The following ABCF3 variants were observed in gnomAD, a reference collection of about 807,000 sequenced individuals.
ABCF3 encodes ATP binding cassette subfamily F member 3.
Under a neutral mutation model 94.3 loss-of-function variants are expected in ABCF3, and 62 were observed. The ratio of observed to expected loss-of-function variants is 0.66; its 90% CI spans 0.54 to 0.81. ABCF3 has a LOEUF of 0.81. ABCF3 is among the 40% of genes least tolerant of loss of function. The pLI is 0.00. For synonymous variants in ABCF3, 355 were observed against 361.1 expected (o/e 0.98, Z 0.19); for missense variants, 843 against 925.3 (o/e 0.91, Z 1.15).
Position 184,188,180 on chromosome 3 carries a change from C to T in ABCF3, c.609C>T (p.Gly203=), listed in dbSNP as rs781220084. ...LAGADVNLAW[G]RRYGLVGRNG... is the part of the protein sequence containing the mutation. ...GAGCGGATGTGAACCTGGCATGGGGCCGCCGTTACGGGCTGGTGGGGCGGA... is the reference window on the plus strand; with the variant it reads ...GAGCGGATGTGAACCTGGCATGGGGTCGCCGTTACGGGCTGGTGGGGCGGA... The change falls in exon 7 of 21, where the codon GGC becomes GGT. Residue 203 remains glycine, a synonymous_variant. Coordinates refer to ENST00000429586, the MANE Select transcript of ABCF3 (RefSeq NM_018358.3). 2 of 1,614,024 alleles carry T rather than the reference C, an allele frequency of 1.2e-6. No individual in the cohort carries two copies. The highest frequency in any genetic ancestry group is 2.2e-5 in the East Asian group (1 of 44,882).
rs1162636873 is a variant in ABCF3, at chr3:184,193,706, A to G, written c.*8A>G. ...CGCGAAGGCTTCCTCTAGGGCCACC[A>G]GGCTGAGGACTCGCCCAGGACATGG... On this transcript the variant is annotated 3_prime_UTR_variant, in exon 21 of 21. Transcript: ENST00000429586. This position sits in a 1 kb window ranked among gnomAD's most constrained non-coding sequence, Gnocchi z 5.2. 6.3e-7 allele frequency: 1 copy of G among 1,598,994 alleles called. No individual in the cohort carries two copies. The highest frequency in any genetic ancestry group is 1.1e-5 in the South Asian group (1 of 89,104).
chr3:184,186,213 G>C lies in ABCF3; in HGVS notation c.6G>C (p.Ala2=). Residue 2 remains alanine (A), a synonymous_variant, in exon 1 of 21, where the codon GCG becomes GCC. Coordinates refer to ENST00000429586, the MANE Select transcript of ABCF3 (RefSeq NM_018358.3). Reference sequence around the variant, plus strand: ...GACGGGTTCCTGAGTGGAACATGGCGACTTGCGCCGAAATCCTGCGGAGCG... The same window carrying C: ...GACGGGTTCCTGAGTGGAACATGGCCACTTGCGCCGAAATCCTGCGGAGCG... The part of the protein sequence containing the change: M[A]TCAEILRSEF... 4 of 1,614,188 alleles carry C rather than the reference G, an allele frequency of 2.5e-6. No homozygotes were observed. Among genetic ancestry groups the C allele is most frequent in the Non-Finnish European group, 3.4e-6 (4 of 1,180,050 alleles).
intron 1 of ABCF3, 61 bp from the exon 2 acceptor site, chr3:184,186,446 T>C: frequency 6.3e-7 from 1 of 1,581,872 alleles, no homozygotes; most frequent in East Asian, 2.2e-5. Flanking sequence ...GTCTGGGGTC[T>C]GAAACTGCTT....
chr3:184,186,215 C>CT lies in ABCF3; in HGVS notation c.10dup (p.Cys4LeufsTer13). 1 of 1,614,196 alleles carries CT rather than the reference C, an allele frequency of 6.2e-7. No individual in the cohort carries two copies. Among genetic ancestry groups the CT allele is most frequent in the Middle Eastern group, 1.6e-4 (1 of 6,062 alleles). ...CGGGTTCCTGAGTGGAACATGGCGA[C>CT]TTGCGCCGAAATCCTGCGGAGCGAG... On this transcript the variant is annotated frameshift_variant, in exon 1 of 21. Transcript: ENST00000429586. LOFTEE classifies it high-confidence loss of function.
At chr3:184,191,580 A>C (rs1716024934) in intron 16 of ABCF3, among the ~76,000 whole-genome samples, 1 of 152,094 alleles carries the variant, frequency 6.6e-6, no homozygotes, top group Non-Finnish European at 1.5e-5. Flanking sequence ...CAGACTTCGG[A>C]TCTTGACTAT....
At chr3:184,189,166 A>G (rs1045193907) in intron 10 of ABCF3, 22 bp downstream of exon 10, 1 of 1,614,174 alleles carries the variant, frequency 6.2e-7, no homozygotes, top group Non-Finnish European at 8.5e-7. Flanking sequence ...GGGCCAGTGT[A>G]TGAAGCCCTA....
At chr3:184,190,571 A>G (rs996722983) in intron 14 of ABCF3, 3 of 166,804 alleles carry the variant, frequency 1.8e-5, no homozygotes, top group African/African-American at 4.9e-5. Context: ...GAGAGTTCCA[A>G]TTTCTCCATG....
chr3:184,192,239 G>A (rs956015475), intron 16 of ABCF3, among the ~76,000 whole-genome samples: 1 of 152,112 alleles, frequency 6.6e-6, no homozygotes, highest in Non-Finnish European at 1.5e-5. Flanking sequence ...ATCAAATCAG[G>A]GTAATTAGCA....
chr3:184,189,451 C>T lies in ABCF3; in HGVS notation c.1113+8C>T, dbSNP rs752702570. ...CTGGAGAATTACCTGCAGGTGAGTG[C>T]CTGTGGGTGCTGGAGTGTGTTGGGG... On this transcript the variant is annotated splice_region_variant and intron_variant, in intron 12 of 20. Coordinates refer to ENST00000429586, the MANE Select transcript of ABCF3 (RefSeq NM_018358.3). The T allele has an allele frequency of 1.9e-6, 3 of 1,613,876 alleles. No individual in the cohort carries two copies. Among genetic ancestry groups the T allele is most frequent in the African/African-American group, 1.3e-5 (1 of 74,868 alleles).
At chr3:184,188,510 C>T (rs1715796838) in intron 7 of ABCF3, 103 bp downstream of exon 7, 2 of 1,462,602 alleles carry the variant, frequency 1.4e-6, no homozygotes, top group South Asian at 1.3e-5. Context: ...TAGTAATCAG[C>T]AGAGCTTAGA....
At position 184,191,216 on chromosome 3, in the gene ABCF3, CCTCT is replaced by C; in HGVS notation, c.1533_1536del (p.Ser512CysfsTer23). 6.2e-7 allele frequency: 1 copy of C among 1,614,204 alleles called. No homozygotes were observed. The highest frequency in any genetic ancestry group is 8.5e-7 in the Non-Finnish European group (1 of 1,180,048). The stretch of plus-strand genomic sequence containing the variant: ...ATCCGAAGCACGTCATCTTCAGTCG[CCTCT>C]CTGTGTCTGCTGATCTCGAGTCTCG... On this transcript the variant is annotated frameshift_variant, in exon 16 of 21. Coordinates refer to ENST00000429586, the MANE Select transcript of ABCF3 (RefSeq NM_018358.3). LOFTEE classifies it high-confidence loss of function.
intron 3 of ABCF3, 179 bp from the exon 4 acceptor site, chr3:184,187,218 G>A (rs1233580297): frequency 1.5e-6 from 1 of 671,848 alleles, no homozygotes; most frequent in Non-Finnish European, 2.5e-6. Flanking sequence ...TTCTACGTGA[G>A]TTTTGTTTTG....
rs1716188909 is a variant in ABCF3 at position 184,193,866 on chromosome 3, C to G, written c.*168C>G. 8.5e-6 allele frequency: 8 copies of G among 942,260 alleles called. No individual in the cohort carries two copies. The South Asian group carries it at 9.0e-5, about 11-fold the overall frequency. The allele number at this position is 942,260 out of a possible 1,614,324, so 58.4% of individuals were successfully genotyped here. On this transcript the variant is annotated 3_prime_UTR_variant, in exon 21 of 21. Transcript: ENST00000429586. The surrounding 1 kb of genome is among the most constrained non-coding windows in gnomAD (Gnocchi z 5.2). ...AGCATCTTCTGCACAACCTTGGGAG[C>G]CCATCCAAGGGTTGGTGAGGACTGG...
In ABCF3 at chr3:184,191,206, T is replaced by C; in HGVS notation, c.1520T>C (p.Ile507Thr). The C allele has an allele frequency of 6.2e-7, 1 of 1,614,224 alleles. No homozygotes were observed. The highest frequency in any genetic ancestry group is 1.3e-5 in the African/African-American group (1 of 75,058). ...VDFYYDPKHV[I>T]FSRLSVSADL... The stretch of plus-strand genomic sequence containing the variant: ...TTCTACTACGATCCGAAGCACGTCA[T>C]CTTCAGTCGCCTCTCTGTGTCTGCT... Residue 507 changes from isoleucine to threonine, a missense_variant, in exon 16 of 21, where the codon ATC (isoleucine) becomes ACC (threonine). Ile to Thr is a moderately conservative substitution (Grantham distance 89, BLOSUM62 -1). Coordinates refer to ENST00000429586, the MANE Select transcript of ABCF3 (RefSeq NM_018358.3).
At chr3:184,186,468 C>A in intron 1 of ABCF3, 39 bp from the exon 2 acceptor site, 1 of 1,591,692 alleles carries the variant, frequency 6.3e-7, no homozygotes, top group South Asian at 1.1e-5. Context: ...TGTGTCCACC[C>A]TACCCGATAC....
chr3:184,188,870 G>C (rs1417622743), intron 8 of ABCF3, 29 bp downstream of exon 8: 32 of 1,614,018 alleles, frequency 2.0e-5, no homozygotes, highest in Non-Finnish European at 2.4e-5. Context: ...CCCTCCTTCA[G>C]ATTTCCTTTC....
rs759098927 is a variant in ABCF3 at position 184,193,351 on chromosome 3, G to A, written c.1884-14G>A. ...CACCCCTTCACTGCCCACCTTCCTG[G>A]TTCTGCCTTCCAGCCCCAACTTCTA... On this transcript the variant is annotated splice_polypyrimidine_tract_variant and intron_variant, in intron 19 of 20. Transcript: ENST00000429586. The surrounding 1 kb of genome is among the most constrained non-coding windows in gnomAD (Gnocchi z 5.2). 21 of 1,613,868 alleles carry A rather than the reference G, an allele frequency of 1.3e-5. No homozygotes were observed. In the South Asian group the frequency reaches 2.2e-4, roughly 17 times the overall value.
At chr3:184,189,480 G>A in intron 12 of ABCF3, 37 bp downstream of exon 12, 2 of 1,614,046 alleles carry the variant, frequency 1.2e-6, no homozygotes, top group Non-Finnish European at 1.7e-6. Flanking sequence ...GTTGGGGAAA[G>A]GCGGCCTCCA....
Position 184,187,377 on chromosome 3 carries a change from G to C in ABCF3, c.302-20G>C. The C allele has an allele frequency of 1.2e-6, 2 of 1,613,852 alleles. No homozygotes were observed. Among genetic ancestry groups the C allele is most frequent in the Non-Finnish European group, 1.7e-6 (2 of 1,179,996 alleles). On this transcript the variant is annotated intron_variant, in intron 3 of 20. Coordinates refer to ENST00000429586, the MANE Select transcript of ABCF3 (RefSeq NM_018358.3). ...CCCTTCCCTCAGGGAGAAGGTGACT[G>C]CTTTTCTTATCGCTTACAGACTGTG...
Sources: gnomAD v4.1 joint callset for allele counts (sites outside exome capture counted in the v4.1 genomes callset) on GRCh38, gnomAD v4.1.1 for gene constraint, Gnocchi (gnomAD v3.1) non-coding constraint, MANE v1.5 for transcripts, NCBI Gene and HGNC (gene_info 2026-07-23, HGNC 2026-07-21) for gene names.